HSP90B1: variants seen among roughly 807,000 people sequenced by gnomAD.
HSP90B1 encodes the protein endoplasmin.
HSP90B1 carries 27 observed loss-of-function variants against 100.4 expected under a neutral mutation model. That is an observed-to-expected ratio of 0.27 (90% CI 0.20 to 0.37). The LOEUF is 0.37. Ranked by LOEUF, HSP90B1 falls within the 10% of genes least tolerant of loss-of-function variation. The pLI is 1.00. For missense variants in HSP90B1, 678 were observed against 960.5 expected, an observed-to-expected ratio of 0.71 and a Z score of 3.89; for synonymous variants, 304 against 330.8, an observed-to-expected ratio of 0.92 and a Z score of 0.88.
intron 5 of HSP90B1, 48 bp downstream of exon 5, chr12:103,934,335 C>A (rs777407509): frequency 7.2e-7 from 1 of 1,397,978 alleles, no homozygotes; most frequent in Non-Finnish European, 1.0e-6. Context: ...TGGTGAGGAT[C>A]TTGACTCTCC....
rs1199497939 is a variant in HSP90B1 at position 103,938,402 on chromosome 12, T to G, written c.918T>G (p.Ser306=). 1 of 1,589,962 alleles carries G rather than the reference T, an allele frequency of 6.3e-7. No homozygotes were observed. The highest frequency in any genetic ancestry group is 8.6e-7 in the Non-Finnish European group (1 of 1,162,160). ...CAGCCAAAGAAGAGAAAGAAGAATCTGATGATGAAGCTGCAGTAGAGGAAG... is the reference window on the plus strand; with the variant it reads ...CAGCCAAAGAAGAGAAAGAAGAATCGGATGATGAAGCTGCAGTAGAGGAAG... ...EEAAKEEKEE[S]DDEAAVEEEE... is the part of the protein sequence containing the mutation. Residue 306 remains serine, a synonymous_variant, in exon 7 of 18, where the codon TCT becomes TCG. Transcript: ENST00000299767.
rs757217024 is a variant in HSP90B1 at position 103,939,607 on chromosome 12, C to T, written c.1074C>T (p.Phe358=). The T allele has an allele frequency of 1.2e-5, 18 of 1,500,528 alleles. No homozygotes were observed. Among genetic ancestry groups the T allele is most frequent in the Non-Finnish European group, 1.5e-5 (17 of 1,100,872 alleles). 93.0% of individuals were successfully genotyped at this position (1,500,528 alleles called of 1,614,324 possible). A position where few individuals can be genotyped will look rare whatever the true frequency, so the allele number is the denominator to read the frequency against. ...KEVEEDEYKA[F]YKSFSKESDD... ...TAGAAGAAGATGAATACAAAGCTTT[C>T]TACAAATCATTTTCAAAGGTAAATA... is the stretch of plus-strand genomic sequence containing the variant. The change falls in exon 8 of 18, where the codon TTC becomes TTT. Residue 358 remains phenylalanine, a synonymous_variant. Transcript: ENST00000299767.
intron 8 of HSP90B1, among the ~76,000 whole-genome samples, chr12:103,940,462 C>T (rs987187206): frequency 6.6e-6 from 1 of 152,052 alleles, no homozygotes; most frequent in African/African-American, 2.4e-5. Context: ...GTAGAATGCT[C>T]TAGTGGACTT....
At chr12:103,937,623 T>C in intron 5 of HSP90B1, 72 bp from the exon 6 acceptor site, 1 of 761,334 alleles carries the variant, frequency 1.3e-6, no homozygotes, top group East Asian at 2.6e-5. Flanking sequence ...GCTATTACCA[T>C]GGTATTTAAA....
chr12:103,947,217 A>G lies in HSP90B1; in HGVS notation c.2263-94A>G, dbSNP rs929490125. ...AGGATTTAGTCTGTGGTTCTGAATAAACAGAAGTGACATTAATTATGATTT... is the reference window on the plus strand; with the variant it reads ...AGGATTTAGTCTGTGGTTCTGAATAGACAGAAGTGACATTAATTATGATTT... On this transcript the variant is annotated intron_variant, in intron 16 of 17. Transcript: ENST00000299767. 7 of 1,445,592 alleles carry G rather than the reference A, an allele frequency of 4.8e-6. No homozygotes were observed. In the African/African-American group the frequency reaches 7.2e-5, roughly 15 times the overall value. 89.5% of individuals were successfully genotyped at this position (1,445,592 alleles called of 1,614,324 possible). A position where few individuals can be genotyped will look rare whatever the true frequency, so the allele number is the denominator to read the frequency against.
In HSP90B1 at chr12:103,947,901, TATAAAA is replaced by T; in HGVS notation, c.*247_*252del. On this transcript the variant is annotated 3_prime_UTR_variant, in exon 18 of 18. Coordinates refer to ENST00000299767, the MANE Select transcript of HSP90B1 (RefSeq NM_003299.3). The stretch of plus-strand genomic sequence containing the variant: ...TCTTGATGTAAAATCTTGTCATGTG[TATAAAA>T]ATAAAAAAGATCCCAAATACTCAGT... 3.9e-6 allele frequency: 2 copies of T among 516,628 alleles called. No individual in the cohort carries two copies. Among genetic ancestry groups the T allele is most frequent in the Non-Finnish European group, 6.9e-6 (2 of 290,852 alleles). 32.0% of individuals were successfully genotyped at this position (516,628 alleles called of 1,614,324 possible).
intron 7 of HSP90B1, 45 bp downstream of exon 7, chr12:103,938,504 A>G (rs777804703): frequency 3.4e-5 from 53 of 1,578,420 alleles, no homozygotes; most frequent in Non-Finnish European, 4.3e-5. Context: ...TTTAACATGT[A>G]TAGGCAAAAC....
chr12:103,941,587 A>G, intron 9 of HSP90B1, 40 bp downstream of exon 9: 1 of 1,613,838 alleles, frequency 6.2e-7, no homozygotes, highest in Non-Finnish European at 8.5e-7. Flanking sequence ...TAAAATTTGA[A>G]AGTTTAATTT....
intron 1 of HSP90B1, among the ~76,000 whole-genome samples, chr12:103,931,085 C>A (rs527936617): frequency 1.3e-4 from 20 of 152,350 alleles, no homozygotes; most frequent in African/African-American, 4.8e-4. Flanking sequence ...TCCCCCTTCT[C>A]ATGCCTCTGG....
intron 4 of HSP90B1, among the ~76,000 whole-genome samples, chr12:103,933,447 C>T (rs1869822830): frequency 6.6e-6 from 1 of 152,254 alleles, no homozygotes; most frequent in African/African-American, 2.4e-5. Context: ...CAGAGCTCTC[C>T]TTTACAACTC....
In HSP90B1 at chr12:103,938,448, A is replaced by G; in HGVS notation, c.964A>G (p.Lys322Glu). 6.2e-7 allele frequency: 1 copy of G among 1,609,004 alleles called. No homozygotes were observed. The part of the protein sequence containing the change: ...VEEEEEEKKP[K>E]TKKVEKTVWD... ...GGAAGAAGAAGAAGAAAAGAAACCA[A>G]AGACTAAAAAAGTAAGTCTGGTTTA... The change falls in exon 7 of 18, where the codon AAG (lysine) becomes GAG (glutamate). Residue 322 changes from lysine to glutamate, a missense_variant. Transcript: ENST00000299767.
At chr12:103,941,782 T>C (rs1870087396) in intron 10 of HSP90B1, 50 bp from the exon 11 acceptor site, 2 of 1,604,690 alleles carry the variant, frequency 1.2e-6, no homozygotes, top group African/African-American at 2.7e-5. Context: ...TTGGCTTTGC[T>C]TTCTTCCAGT....
intron 7 of HSP90B1, 149 bp from the exon 8 acceptor site, chr12:103,939,360 C>T: frequency 1.1e-5 from 4 of 363,414 alleles, no homozygotes; most frequent in South Asian, 5.3e-5. Context: ...ACCCTAACCT[C>T]CCAAAGTGCT....
chr12:103,941,100 C>T (rs565321501), intron 8 of HSP90B1, among the ~76,000 whole-genome samples: 1 of 152,188 alleles, frequency 6.6e-6, no homozygotes, highest in Admixed American at 6.5e-5. Flanking sequence ...TTCCTATTCA[C>T]TTCTCTCATA....
chr12:103,931,423 A>T, intron 1 of HSP90B1, 98 bp from the exon 2 acceptor site: 1 of 761,728 alleles, frequency 1.3e-6, no homozygotes, highest in Non-Finnish European at 2.3e-6. Flanking sequence ...CACCTCCCTT[A>T]GTTACCAACT....
rs544937402 is a variant in HSP90B1 at position 103,941,381 on chromosome 12, T to G, written c.1093-29T>G. The stretch of plus-strand genomic sequence containing the variant: ...TGCACTGCTTTTCTCCTGTGTCGTT[T>G]GAATGACTAAGATACCAACTTTCCA... On this transcript the variant is annotated intron_variant, in intron 8 of 17. Coordinates refer to ENST00000299767, the MANE Select transcript of HSP90B1 (RefSeq NM_003299.3). 92 of 1,608,532 alleles carry G rather than the reference T, an allele frequency of 5.7e-5. No individual in the cohort carries two copies. In the South Asian group the frequency reaches 9.4e-4, roughly 16 times the overall value.
intron 1 of HSP90B1, 105 bp from the exon 2 acceptor site, chr12:103,931,416 C>T: frequency 1.4e-6 from 1 of 719,378 alleles, no homozygotes; most frequent in South Asian, 1.7e-5. Flanking sequence ...TCATCCCCAC[C>T]TCCCTTAGTT....
intron 7 of HSP90B1, 127 bp from the exon 8 acceptor site, chr12:103,939,382 C>T (rs1870012547): frequency 5.0e-6 from 2 of 401,898 alleles, no homozygotes. Flanking sequence ...GGATTACAGG[C>T]GTGAGCCACC....
chr12:103,946,879 G>T lies in HSP90B1; in HGVS notation c.2200G>T (p.Ala734Ser), dbSNP rs765735543. 5.0e-6 allele frequency: 8 copies of T among 1,613,988 alleles called. No homozygotes were observed. The East Asian group carries it at 1.8e-4, about 36-fold the overall frequency. The stretch of plus-strand genomic sequence containing the variant: ...AGGGTATCTTTTACCAGACACTAAA[G>T]CATATGGAGATAGAATAGAAAGAAT... ...RSGYLLPDTK[A>S]YGDRIERMLR... The change falls in exon 16 of 18, where the codon GCA becomes TCA. Residue 734 changes from alanine to serine, a missense_variant. By Grantham distance (99) the Ala-to-Ser change is moderately conservative. Around this residue, in one of 8 missense-constraint regions of HSP90B1, gnomAD observed 6 missense variants for 29.1 expected, o/e 0.21. Coordinates refer to ENST00000299767, the MANE Select transcript of HSP90B1 (RefSeq NM_003299.3).
Sources: gnomAD v4.1 joint callset for allele counts (sites outside exome capture counted in the v4.1 genomes callset) on GRCh38, gnomAD v4.1.1 for gene constraint, gnomAD v4.1.1 regional missense constraint, MANE v1.5 for transcripts, NCBI Gene and HGNC (gene_info 2026-07-23, HGNC 2026-07-21) for gene names.